PIK3C2G: variants seen among roughly 807,000 people sequenced by gnomAD.
PIK3C2G encodes the protein phosphatidylinositol-4-phosphate 3-kinase catalytic subunit type 2 gamma.
A neutral mutation model predicts 181.1 loss-of-function variants in PIK3C2G; 168 were observed. The ratio of observed to expected loss-of-function variants is 0.93; its 90% confidence interval spans 0.82 to 1.05. The LOEUF (loss-of-function observed/expected upper bound fraction) is 1.05, where lower values mean the gene tolerates loss of function less well. Ranked by LOEUF, PIK3C2G falls within the 50% of genes least tolerant of loss-of-function variation. The pLI is 0.00. For synonymous variants in PIK3C2G, 573 were observed against 592.2 expected (o/e 0.97, Z 0.47); for missense variants, 1,869 against 1,732.8 (o/e 1.08, Z -1.40).
chr12:18,356,791 G>C (rs1267587719), intron 11 of PIK3C2G, among the ~76,000 whole-genome samples: 3 of 149,718 alleles, frequency 2.0e-5, no homozygotes, highest in African/African-American at 7.4e-5. Context: ...GCTGCTTCTT[G>C]CTGACCTCAA....
chr12:18,485,870 T>C (rs1009050066), intron 18 of PIK3C2G, among the ~76,000 whole-genome samples: 2 of 151,990 alleles, frequency 1.3e-5, no homozygotes, highest in African/African-American at 4.8e-5. Flanking sequence ...TAAAAGAGAG[T>C]GGCCAGCTAT....
At chr12:18,403,692 T>G (rs929260319) in intron 16 of PIK3C2G, among the ~76,000 whole-genome samples, 13 of 152,158 alleles carry the variant, frequency 8.5e-5, no homozygotes, top group Non-Finnish European at 1.6e-4. Context: ...GCAAGAGGCA[T>G]GATGAAATTT....
intron 20 of PIK3C2G, chr12:18,493,463 C>G (rs11832736): frequency 0.26 from 39,834 of 152,204 alleles, 5,377 homozygotes; most frequent in South Asian, 0.38. Flanking sequence ...GAACTCATGC[C>G]TCATTATACA....
chr12:18,606,133 T>G lies in PIK3C2G; in HGVS notation c.4088-3402T>G, dbSNP rs146837227. On this transcript the variant is annotated intron_variant, in intron 30 of 32. Coordinates refer to ENST00000538779, the MANE Select transcript of PIK3C2G (RefSeq NM_001288772.2). Reference sequence around the variant, plus strand: ...ACTGGGTTCTGAACTCCGGCATGTTTTGATGGACACTTTAGTTACTAATCT... The same window carrying G: ...ACTGGGTTCTGAACTCCGGCATGTTGTGATGGACACTTTAGTTACTAATCT... Among the ~76,000 whole-genome samples the G allele has an allele frequency of 1.6e-3, 237 of 152,278 alleles. 5 individuals carry two copies. The East Asian group carries it at 0.04, about 26-fold the overall frequency.
chr12:18,288,688 A>T (rs1228845022), intron 3 of PIK3C2G, among the ~76,000 whole-genome samples: 1 of 152,164 alleles, frequency 6.6e-6, no homozygotes, highest in African/African-American at 2.4e-5. Context: ...AATATGGTTA[A>T]TTTTTATTTT....
chr12:18,429,666 G>C (rs1946041550), intron 18 of PIK3C2G, among the ~76,000 whole-genome samples: 1 of 152,104 alleles, frequency 6.6e-6, no homozygotes, highest in African/African-American at 2.4e-5. Context: ...ATCCAGCACA[G>C]TATCTGAAAC....
chr12:18,323,282 T>A (rs1178732697), intron 7 of PIK3C2G, among the ~76,000 whole-genome samples: 1 of 152,120 alleles, frequency 6.6e-6, no homozygotes, highest in Non-Finnish European at 1.5e-5. Flanking sequence ...CAGACTTTAC[T>A]CCTCCATCCC....
chr12:18,424,048 AAC>A lies in PIK3C2G; in HGVS notation c.2504+10_2504+11del. ...GCCCATCGTCTTTACTGGTAAGATT[AAC>A]TAAATCAGGCAAGGATGCCTTTTTA... On this transcript the variant is annotated intron_variant, in intron 18 of 32. Coordinates refer to ENST00000538779, the MANE Select transcript of PIK3C2G (RefSeq NM_001288772.2). 6.4e-7 allele frequency: 1 copy of A among 1,574,204 alleles called. No homozygotes were observed. The highest frequency in any genetic ancestry group is 8.7e-7 in the Non-Finnish European group (1 of 1,147,248).
At chr12:18,442,484 T>A (rs940054814) in intron 18 of PIK3C2G, among the ~76,000 whole-genome samples, 4 of 152,158 alleles carry the variant, frequency 2.6e-5, no homozygotes, top group Non-Finnish European at 4.4e-5. Flanking sequence ...AATAAAAATA[T>A]CTTTCGATTT....
At chr12:18,648,420 C>A (rs991437064), downstream of PIK3C2G, 11 of 209,934 alleles carry the variant, frequency 5.2e-5, no homozygotes, top group East Asian at 8.0e-4. Flanking sequence ...AATTCAAGAT[C>A]TAGGTATATC....
chr12:18,484,034 C>T (rs556782902), intron 18 of PIK3C2G, among the ~76,000 whole-genome samples: 1 of 152,264 alleles, frequency 6.6e-6, no homozygotes, highest in South Asian at 2.1e-4. Context: ...GGAGGCCAAA[C>T]CAAATCACAA....
At chr12:18,605,875 C>G (rs1032330417) in intron 30 of PIK3C2G, among the ~76,000 whole-genome samples, 1 of 152,106 alleles carries the variant, frequency 6.6e-6, no homozygotes, top group Non-Finnish European at 1.5e-5. Flanking sequence ...CTTTGGAGAT[C>G]ACTTAAACCT....
chr12:18,721,968 G>T, the PIK3C2G span, among the ~76,000 whole-genome samples: 2 of 151,904 alleles, frequency 1.3e-5, no homozygotes, highest in Non-Finnish European at 2.9e-5. Flanking sequence ...TTTGATCTCT[G>T]CCAGTCTCTC....
At chr12:18,294,512 A>G (rs1949850555) in intron 5 of PIK3C2G, among the ~76,000 whole-genome samples, 1 of 151,952 alleles carries the variant, frequency 6.6e-6, no homozygotes, top group African/African-American at 2.4e-5. Context: ...CTTTTTATGG[A>G]AGAGTAAGTT....
At chr12:18,605,188 A>C (rs74749000) in intron 30 of PIK3C2G, among the ~76,000 whole-genome samples, 13,234 of 152,264 alleles carry the variant, frequency 0.087, 745 homozygotes, top group Middle Eastern at 0.18. Flanking sequence ...TTCATGGAGA[A>C]ATGAAACGGG....
At chr12:18,523,057 A>T (rs981688162) in intron 24 of PIK3C2G, among the ~76,000 whole-genome samples, 1 of 151,816 alleles carries the variant, frequency 6.6e-6, no homozygotes, top group Non-Finnish European at 1.5e-5. Context: ...CAGTTCAGTT[A>T]TTGTATTCTT....
chr12:18,584,438 A>G (rs1946670767), intron 29 of PIK3C2G, among the ~76,000 whole-genome samples: 1 of 152,200 alleles, frequency 6.6e-6, no homozygotes, highest in African/African-American at 2.4e-5. Flanking sequence ...TGGGGAAAGA[A>G]TTTTGGAACT....
At chr12:18,719,911 C>T in the PIK3C2G span, among the ~76,000 whole-genome samples, 1 of 151,886 alleles carries the variant, frequency 6.6e-6, no homozygotes, top group South Asian at 2.1e-4. Context: ...ATATTATGGA[C>T]CAATGAACTT....
the PIK3C2G span, chr12:18,683,697 G>A: frequency 8.7e-7 from 1 of 1,148,396 alleles, no homozygotes; most frequent in Non-Finnish European, 1.2e-6. Context: ...CCCTGGAAAG[G>A]TGACTCTGCA....
Sources: allele counts gnomAD v4.1 joint callset (sites outside exome capture counted in the v4.1 genomes callset), GRCh38; gene constraint gnomAD v4.1.1; transcripts MANE v1.5; gene names NCBI Gene and HGNC (gene_info 2026-07-23, HGNC 2026-07-21).